The following ABCC8 variants were observed in gnomAD, a reference collection of about 807,000 sequenced individuals.
ABCC8 encodes the protein ATP-binding cassette sub-family C member 8.
A neutral mutation model predicts 188.0 loss-of-function variants in ABCC8; 137 were observed. The observed-to-expected ratio is 0.73, with a 90% CI of 0.63 to 0.84. The LOEUF (loss-of-function observed/expected upper bound fraction) is 0.84, where lower values mean the gene tolerates loss of function less well. Ranked by LOEUF, ABCC8 falls within the 40% of genes least tolerant of loss-of-function variation. ABCC8 has a pLI of 0.00. For synonymous variants in ABCC8, 797 were observed against 846.5 expected (o/e 0.94, Z 1.01); for missense variants, 1,750 against 2,072.7 (o/e 0.84, Z 3.02).
intron 19 of ABCC8, chr11:17,413,702 G>A (rs1954929409): frequency 3.5e-6 from 3 of 862,182 alleles, no homozygotes; most frequent in Admixed American, 4.8e-5. Flanking sequence ...GATGGAATTG[G>A]TTGGGAACAA....
At chr11:17,472,646 A>G (rs1021396983) in intron 2 of ABCC8, among the ~76,000 whole-genome samples, 1 of 152,134 alleles carries the variant, frequency 6.6e-6, no homozygotes, top group African/African-American at 2.4e-5. Flanking sequence ...AGACCAGATG[A>G]CAATTACTCA....
At chr11:17,447,207 G>A (rs546181255) in intron 8 of ABCC8, among the ~76,000 whole-genome samples, 11 of 152,276 alleles carry the variant, frequency 7.2e-5, no homozygotes, top group African/African-American at 2.6e-4. Context: ...CTGGGATTTC[G>A]GTTTCTGGCC....
Position 17,405,511 on chromosome 11 carries a change from A to G in ABCC8, c.3382T>C (p.Cys1128Arg), listed in dbSNP as rs748643070. ...GSILNRFSSD[C>R]NTIDQHIPST... ...CTCTGTACCTGGTCGATGGTGTTAC[A>G]GTCAGATGAAAATCTGTTCAGGATG... The change falls in exon 27 of 39, where the codon TGT (cysteine) becomes CGT (arginine). Residue 1128 changes from cysteine to arginine, a missense_variant. By Grantham distance (180) the Cys-to-Arg change is radical (BLOSUM62 -3). Transcript: ENST00000389817. 1 of 1,614,264 alleles carries G rather than the reference A, an allele frequency of 6.2e-7. No homozygotes were observed. The highest frequency in any genetic ancestry group is 8.5e-7 in the Non-Finnish European group (1 of 1,180,046).
intron 6 of ABCC8, 21 bp downstream of exon 6, chr11:17,460,467 C>G (rs1957144423): frequency 1.2e-6 from 2 of 1,613,886 alleles, no homozygotes; most frequent in Admixed American, 1.7e-5. Flanking sequence ...GGTGCCTTAC[C>G]CTACCCCTGG....
rs143839076 is a variant in ABCC8 at position 17,456,470 on chromosome 11, G to C, written c.1012-3187C>G. Among the ~76,000 whole-genome samples, 310 of 152,280 alleles carry C rather than the reference G, an allele frequency of 2.0e-3. 3 individuals are homozygous for C. The highest frequency in any genetic ancestry group is 7.0e-3 in the African/African-American group (291 of 41,530). On this transcript the variant is annotated intron_variant, in intron 6 of 38. Coordinates refer to ENST00000389817, the MANE Select transcript of ABCC8 (RefSeq NM_000352.6). Reference sequence around the variant, plus strand: ...ATGATTGGAAAGGTCCCCTTCACATGTTCTCTGGTGCTTAAAGGAGAGGGG... The same window carrying C: ...ATGATTGGAAAGGTCCCCTTCACATCTTCTCTGGTGCTTAAAGGAGAGGGG...
intron 3 of ABCC8, among the ~76,000 whole-genome samples, chr11:17,469,648 T>A (rs971062381): frequency 3.3e-5 from 5 of 152,132 alleles, no homozygotes; most frequent in African/African-American, 1.2e-4. Flanking sequence ...GCTCCTCTCC[T>A]GACGCCTGCC....
intron 10 of ABCC8, among the ~76,000 whole-genome samples, chr11:17,432,629 T>C (rs938306756): frequency 3.4e-4 from 52 of 152,204 alleles, no homozygotes; most frequent in African/African-American, 1.2e-3. Context: ...TTGGCTCCTG[T>C]GTCCCCCCAA....
chr11:17,434,982 C>CGT (rs1491382729), intron 10 of ABCC8, among the ~76,000 whole-genome samples: 2,482 of 62,686 alleles, frequency 0.04, 76 homozygotes, highest in African/African-American at 0.12. Flanking sequence ...TGCGTGTGTT[C>CGT]GCGTGTGTGT....
chr11:17,450,316 TTCTTTCTTTCTCTCTC>T (rs1956741695), intron 7 of ABCC8, among the ~76,000 whole-genome samples: 5 of 116,186 alleles, frequency 4.3e-5, no homozygotes, highest in South Asian at 2.8e-4. Context: ...CTTTCTTTCT[TTCTTTCTTTCTCTCTC>T]TCTCTTTCCT....
At position 17,431,896 on chromosome 11, in the gene ABCC8, C is replaced by T. The variant is rs4148618; in HGVS notation, c.1671+308G>A. 0.16 allele frequency among the ~76,000 whole-genome samples: 24,622 copies of T among 152,136 alleles called. 2,139 individuals are homozygous for T. Among genetic ancestry groups the T allele is most frequent in the Non-Finnish European group, 0.2 (13,446 of 67,994 alleles). On this transcript the variant is annotated intron_variant, in intron 11 of 38. Coordinates refer to ENST00000389817, the MANE Select transcript of ABCC8 (RefSeq NM_000352.6). ...CTTTGAGCTTTCTGTTCTGGATTTC[C>T]CATCACTTCTACAATACACATGTTT...
chr11:17,437,088 T>G, intron 10 of ABCC8, among the ~76,000 whole-genome samples: 1 of 74,182 alleles, frequency 1.3e-5, no homozygotes, highest in Admixed American at 2.1e-4. Flanking sequence ...TGAAACTCTG[T>G]CTCAAAAAAA....
intron 8 of ABCC8, among the ~76,000 whole-genome samples, chr11:17,444,692 T>C (rs1036253354): frequency 2.0e-5 from 3 of 152,196 alleles, no homozygotes; most frequent in African/African-American, 7.2e-5. Flanking sequence ...AAAAGGACTA[T>C]TTTGTCTCCT....
intron 3 of ABCC8, among the ~76,000 whole-genome samples, chr11:17,469,056 T>TCC (rs113636074): frequency 3.0e-5 from 4 of 133,932 alleles, no homozygotes; most frequent in Non-Finnish European, 4.6e-5. Flanking sequence ...TCTCCCTCCC[T>TCC]CCTCCCTCCC....
intron 3 of ABCC8, among the ~76,000 whole-genome samples, chr11:17,464,934 G>A (rs114190609): frequency 0.017 from 2,589 of 152,326 alleles, 78 homozygotes; most frequent in African/African-American, 0.06. Context: ...GTGGGCCTGG[G>A]CATGGATGCC....
intron 36 of ABCC8, among the ~76,000 whole-genome samples, chr11:17,394,866 GGGGCA>G (rs1173826244): frequency 2.6e-5 from 4 of 152,168 alleles, no homozygotes; most frequent in African/African-American, 7.2e-5. Context: ...GCAGGTGGAT[GGGGCA>G]GGGCAGGGCT....
At chr11:17,421,720 G>A (rs527644875) in intron 16 of ABCC8, among the ~76,000 whole-genome samples, 40 of 152,336 alleles carry the variant, frequency 2.6e-4, no homozygotes, top group African/African-American at 9.4e-4. Context: ...GAAAGCTTAT[G>A]AAATTTTCCA....
At chr11:17,408,130 T>C in intron 23 of ABCC8, 1 of 387,024 alleles carries the variant, frequency 2.6e-6, no homozygotes. Context: ...TTTGCCAGTT[T>C]GAGTTGATTT....
chr11:17,437,118 A>AAG (rs1956134793), intron 10 of ABCC8, among the ~76,000 whole-genome samples: 1 of 142,892 alleles, frequency 7.0e-6, no homozygotes, highest in Non-Finnish European at 1.5e-5. Context: ...AAAAAAAAAA[A>AAG]GACTTATTCA....
At chr11:17,437,091 CAAAAAAAAAAAAA>C (rs71047551) in intron 10 of ABCC8, among the ~76,000 whole-genome samples, 688 of 55,128 alleles carry the variant, frequency 0.012, 16 homozygotes, top group Middle Eastern at 0.048. Context: ...AACTCTGTCT[CAAAAAAAAAAAAA>C]AAAAAAAAAA....
Sources: allele counts gnomAD v4.1 joint callset (sites outside exome capture counted in the v4.1 genomes callset), GRCh38; gene constraint gnomAD v4.1.1; transcripts MANE v1.5; gene names NCBI Gene and HGNC (gene_info 2026-07-23, HGNC 2026-07-21).